APP: variants seen among roughly 807,000 people sequenced by gnomAD.
The protein encoded by APP is amyloid beta precursor protein, also known as amyloid-beta precursor protein.
Under a neutral mutation model 101.4 loss-of-function variants are expected in APP, and 31 were observed. That is an observed-to-expected ratio of 0.31 (90% CI 0.23 to 0.41). APP has a LOEUF of 0.41. Ranked by LOEUF, APP falls within the 10% of genes least tolerant of loss-of-function variation. The probability of loss-of-function intolerance (pLI) is 1.00; values close to 1 mark genes in which losing one functional copy is unlikely to be tolerated. For synonymous variants in APP, 366 were observed against 364.4 expected (o/e 1.00, Z -0.05); for missense variants, 839 against 1,003.7 (o/e 0.84, Z 2.22).
intron 6 of APP, among the ~76,000 whole-genome samples, chr21:26,010,575 C>T (rs917707215): frequency 6.6e-6 from 1 of 151,470 alleles, no homozygotes; most frequent in Non-Finnish European, 1.5e-5. Context: ...TTTGGGAGGC[C>T]GAGATGGATG....
At chr21:25,897,702 G>A (rs750722032) in intron 15 of APP, 29 bp from the exon 16 acceptor site, 15 of 1,559,540 alleles carry the variant, frequency 9.6e-6, no homozygotes, top group Non-Finnish European at 1.3e-5. Context: ...AAAGTATGCA[G>A]GACAACCAAT....
rs542882776 is a variant in APP at position 26,095,410 on chromosome 21, A to G, written c.226-5338T>C. On this transcript the variant is annotated intron_variant, in intron 2 of 17. Coordinates refer to ENST00000346798, the MANE Select transcript of APP (RefSeq NM_000484.4). ...CATGCTACCTGCCATTGATCACTTC[A>G]TCACAGCGCTTGTGTTCAAGTAACT... 3.3e-5 allele frequency among the ~76,000 whole-genome samples: 5 copies of G among 152,360 alleles called. No individual in the cohort carries two copies. In the East Asian group the frequency reaches 7.7e-4, roughly 23 times the overall value.
chr21:26,083,687 A>G (rs1408735915), intron 3 of APP, among the ~76,000 whole-genome samples: 1 of 152,224 alleles, frequency 6.6e-6, no homozygotes, highest in Non-Finnish European at 1.5e-5. Context: ...AAGCCTTGGG[A>G]CAATATCATG....
At chr21:26,025,603 A>C (rs2146796490) in intron 5 of APP, among the ~76,000 whole-genome samples, 1 of 152,330 alleles carries the variant, frequency 6.6e-6, no homozygotes, top group East Asian at 1.9e-4. Context: ...TCTGAATAGA[A>C]ACCATGTTTG....
rs756869074 is a variant in APP, at chr21:26,162,817, A to G, written c.57+7747T>C. Among the ~76,000 whole-genome samples, 12 of 144,636 alleles carry G rather than the reference A, an allele frequency of 8.3e-5. 1 individual carries two copies. The East Asian group carries it at 2.2e-3, about 26-fold the overall frequency. The allele number at this position is 144,636 out of a possible 152,430, so 94.9% of individuals were successfully genotyped here. A position where few individuals can be genotyped will look rare whatever the true frequency, so the allele number is the denominator to read the frequency against. On this transcript the variant is annotated intron_variant, in intron 1 of 17. Transcript: ENST00000346798. ...CATCTAGGATGCCTTACATTTTTCA[A>G]TGAAGACAGTATGTGGCTTTCTGGA...
chr21:25,927,608 T>A (rs1299447333), intron 13 of APP, among the ~76,000 whole-genome samples: 1 of 152,212 alleles, frequency 6.6e-6, no homozygotes, highest in African/African-American at 2.4e-5. Flanking sequence ...TCGGGGTTTA[T>A]TTTTGTTTAA....
At chr21:25,945,784 G>C (rs888560260) in intron 13 of APP, 34 of 416,840 alleles carry the variant, frequency 8.2e-5, no homozygotes, top group Middle Eastern at 1.5e-3. Context: ...GCCACCCCAG[G>C]CTCAGGAGAT....
intron 17 of APP, among the ~76,000 whole-genome samples, chr21:25,885,525 T>A (rs1334745236): frequency 6.6e-6 from 1 of 152,142 alleles, no homozygotes; most frequent in Non-Finnish European, 1.5e-5. Flanking sequence ...CACACATACA[T>A]ACAACCACTG....
In APP at chr21:26,102,082, GTTTTTTT is replaced by G. The variant is rs35680514; in HGVS notation, c.225+9890_225+9896del. Among the ~76,000 whole-genome samples, 36 of 101,144 alleles carry G rather than the reference GTTTTTTT, an allele frequency of 3.6e-4. No homozygotes were observed. In the Admixed American group the frequency reaches 3.9e-3, roughly 11 times the overall value. 66.4% of individuals were successfully genotyped at this position (101,144 alleles called of 152,430 possible). A position where few individuals can be genotyped will look rare whatever the true frequency, so the allele number is the denominator to read the frequency against. ...CCTTTGGTTTAAGTAAAACTATGTG[GTTTTTTT>G]TTTTTTTTTTTTTTTGGAGCCGGAG... On this transcript the variant is annotated intron_variant, in intron 2 of 17. Transcript: ENST00000346798.
At chr21:25,888,474 T>C (rs1193594393) in intron 17 of APP, among the ~76,000 whole-genome samples, 4 of 152,140 alleles carry the variant, frequency 2.6e-5, no homozygotes, top group African/African-American at 7.2e-5. Flanking sequence ...AGACACACTA[T>C]GGGGCTGCAC....
In APP at chr21:25,982,411, T is replaced by C. The variant is rs767629922; in HGVS notation, c.1157A>G (p.Asn386Ser). The C allele has an allele frequency of 1.2e-6, 2 of 1,613,862 alleles. No homozygotes were observed. The highest frequency in any genetic ancestry group is 1.7e-6 in the Non-Finnish European group (2 of 1,179,856). The change falls in exon 9 of 18, where the codon AAT (asparagine) becomes AGT (serine). Residue 386 changes from asparagine (N) to serine (S), a missense_variant. Transcript: ENST00000346798. The part of the protein sequence containing the change: ...DKYLETPGDE[N>S]EHAHFQKAKE... The stretch of plus-strand genomic sequence containing the variant: ...GGCTTTCTGGAAATGGGCATGTTCA[T>C]TCTCATCCCCAGGTGTCTCGAGATA...
chr21:26,068,198 A>G (rs2046534849), intron 3 of APP: 1 of 152,226 alleles, frequency 6.6e-6, no homozygotes, highest in Admixed American at 6.5e-5. Context: ...TAACTTCTTA[A>G]CGGGGTTGTA....
chr21:25,954,818 C>A, intron 12 of APP, 129 bp from the exon 13 acceptor site: 2 of 770,624 alleles, frequency 2.6e-6, no homozygotes, highest in Non-Finnish European at 4.3e-6. Context: ...TCTTACCAAG[C>A]ACTGCAGGTA....
Position 26,127,699 on chromosome 21 carries a change from T to C in APP, c.58-15553A>G, listed in dbSNP as rs144964202. 2.4e-3 allele frequency among the ~76,000 whole-genome samples: 369 copies of C among 152,308 alleles called. 1 individual carries two copies. The highest frequency in any genetic ancestry group is 8.5e-3 in the African/African-American group (354 of 41,568). On this transcript the variant is annotated intron_variant, in intron 1 of 17. Transcript: ENST00000346798. ...TCTGTATTTAGTAATTACCAGCTGT[T>C]TGGAGAAAGCCAGTTAACTTTACCT...
intron 3 of APP, among the ~76,000 whole-genome samples, chr21:26,086,681 T>C (rs768998299): frequency 1.8e-4 from 28 of 152,174 alleles, no homozygotes; most frequent in Non-Finnish European, 2.9e-4. Context: ...TGTAAGAATG[T>C]TACCTACTAC....
At chr21:25,933,982 GAATACA>G (rs1456456503) in intron 13 of APP, 1 of 152,086 alleles carries the variant, frequency 6.6e-6, no homozygotes, top group Non-Finnish European at 1.5e-5. Context: ...CTACACCTAA[GAATACA>G]GCCTTACTTG....
intron 3 of APP, among the ~76,000 whole-genome samples, chr21:26,083,857 A>G (rs1256624432): frequency 6.6e-6 from 1 of 152,176 alleles, no homozygotes; most frequent in African/African-American, 2.4e-5. Context: ...ACTTAATGAC[A>G]CCTGAATACA....
chr21:26,003,312 T>C (rs149162210), intron 6 of APP, among the ~76,000 whole-genome samples: 2 of 152,360 alleles, frequency 1.3e-5, no homozygotes, highest in Non-Finnish European at 2.9e-5. Context: ...GTAAGAGCCT[T>C]AACTCCTTCC....
chr21:25,953,240 A>T (rs1301939631), intron 13 of APP, among the ~76,000 whole-genome samples: 1 of 152,232 alleles, frequency 6.6e-6, no homozygotes, highest in Non-Finnish European at 1.5e-5. Context: ...TTTCTTCTGC[A>T]AGTTATGTAG....
Sources: allele counts gnomAD v4.1 joint callset (sites outside exome capture counted in the v4.1 genomes callset), GRCh38; gene constraint gnomAD v4.1.1; transcripts MANE v1.5; gene names NCBI Gene and HGNC (gene_info 2026-07-23, HGNC 2026-07-21).